The following AK9 variants were observed in gnomAD, a reference collection of about 807,000 sequenced individuals.
AK9 encodes the protein adenylate kinase domain containing 1.
In AK9, 191 loss-of-function variants were observed where a neutral mutation model predicts 239.6. The ratio of observed to expected loss-of-function variants is 0.80; its 90% confidence interval spans 0.71 to 0.90. The LOEUF is 0.90. AK9 is among the 40% of genes least tolerant of loss of function. AK9 has a pLI of 0.00. For missense variants in AK9, 1,995 were observed against 2,214.7 expected, an observed-to-expected ratio of 0.90 and a Z score of 1.99; for synonymous variants, 689 against 721.0, an observed-to-expected ratio of 0.96 and a Z score of 0.71.
chr6:109,578,473 T>G (rs1788411049), intron 20 of AK9, among the ~76,000 whole-genome samples: 1 of 152,202 alleles, frequency 6.6e-6, no homozygotes, highest in Non-Finnish European at 1.5e-5. Flanking sequence ...AAGAACCAGC[T>G]TTTTGTTTCA....
In AK9 at chr6:109,621,893, TAAAAAAAA is replaced by T. The variant is rs59405869; in HGVS notation, c.1255-2665_1255-2658del. 5.4e-5 allele frequency among the ~76,000 whole-genome samples: 3 copies of T among 55,528 alleles called. No individual in the cohort carries two copies. In the East Asian group the frequency reaches 1.3e-3, roughly 23 times the overall value. 36.4% of individuals were successfully genotyped at this position (55,528 alleles called of 152,430 possible). ...TGTACCCTAAAACTTAAAGTATAAT[TAAAAAAAA>T]AAAAAAAAAAACAAAAAAAAAACAG... is the stretch of plus-strand genomic sequence containing the variant. On this transcript the variant is annotated intron_variant, in intron 12 of 40. Transcript: ENST00000424296.
chr6:109,556,885 T>C (rs1162744664), intron 24 of AK9, among the ~76,000 whole-genome samples: 1 of 151,998 alleles, frequency 6.6e-6, no homozygotes, highest in Non-Finnish European at 1.5e-5. Context: ...TCTAAACTGA[T>C]TATTCTAGTT....
At position 109,579,439 on chromosome 6, in the gene AK9, A is replaced by G. The variant is rs1788535667; in HGVS notation, c.2191+111T>C. ...AATATAGGCATAAACCTGGGCTCTCATGGACAAATTGGGAAATGTGATCAC... is the reference window on the plus strand; with the variant it reads ...AATATAGGCATAAACCTGGGCTCTCGTGGACAAATTGGGAAATGTGATCAC... On this transcript the variant is annotated intron_variant, in intron 20 of 40. Coordinates refer to ENST00000424296, the MANE Select transcript of AK9 (RefSeq NM_001145128.3). The G allele has an allele frequency of 4.7e-6, 5 of 1,053,152 alleles. No homozygotes were observed. In the Admixed American group the frequency reaches 1.3e-4, roughly 26 times the overall value. The allele number at this position is 1,053,152 out of a possible 1,614,324, so 65.2% of individuals were successfully genotyped here.
chr6:109,619,631 T>C (rs1794589554), intron 12 of AK9, among the ~76,000 whole-genome samples: 1 of 152,056 alleles, frequency 6.6e-6, no homozygotes, highest in African/African-American at 2.4e-5. Flanking sequence ...CATATATATA[T>C]ATTAACCACA....
rs551266738 is a variant in AK9 at position 109,597,734 on chromosome 6, G to A, written c.1843-11662C>T. On this transcript the variant is annotated intron_variant, in intron 17 of 40. Transcript: ENST00000424296. ...CCTGCTTCGAAGAAATAATTCAACT[G>A]GGGGGCATAAGGCAGAAGAAGAGAC... Among the ~76,000 whole-genome samples, 9 of 151,954 alleles carry A rather than the reference G, an allele frequency of 5.9e-5. No homozygotes were observed. In the South Asian group the frequency reaches 1.0e-3, roughly 18 times the overall value.
At chr6:109,681,969 G>T (rs2128353647) in intron 1 of AK9, among the ~76,000 whole-genome samples, 1 of 152,270 alleles carries the variant, frequency 6.6e-6, no homozygotes, top group South Asian at 2.1e-4. Context: ...AGCACTAAAT[G>T]CCCACAAGAG....
At chr6:109,503,430 C>T (rs1470895630) in intron 35 of AK9, among the ~76,000 whole-genome samples, 1 of 151,948 alleles carries the variant, frequency 6.6e-6, no homozygotes, top group Non-Finnish European at 1.5e-5. Flanking sequence ...GTCTAGGTAC[C>T]CTCTTCTGGA....
chr6:109,672,281 A>G, intron 3 of AK9, 114 bp from the exon 4 acceptor site: 1 of 926,732 alleles, frequency 1.1e-6, no homozygotes, highest in Non-Finnish European at 1.7e-6. Context: ...GCATCACTTT[A>G]TAATTTACAA....
chr6:109,645,047 T>C (rs1389648310), intron 8 of AK9, among the ~76,000 whole-genome samples: 1 of 152,250 alleles, frequency 6.6e-6, no homozygotes. Context: ...TTTCTTCACA[T>C]AGATACTAGC....
At chr6:109,587,990 G>A (rs1173424443) in intron 17 of AK9, among the ~76,000 whole-genome samples, 1 of 151,936 alleles carries the variant, frequency 6.6e-6, no homozygotes, top group Admixed American at 6.6e-5. Context: ...TCTGACTGGA[G>A]TAAGATGCTA....
intron 17 of AK9, among the ~76,000 whole-genome samples, chr6:109,593,374 A>G (rs1384067402): frequency 6.6e-6 from 1 of 152,120 alleles, no homozygotes; most frequent in African/African-American, 2.4e-5. Context: ...AGTAATTAAT[A>G]GCCTACCAAC....
At chr6:109,584,918 G>A (rs1159303301) in intron 19 of AK9, among the ~76,000 whole-genome samples, 1 of 152,004 alleles carries the variant, frequency 6.6e-6, no homozygotes, top group Non-Finnish European at 1.5e-5. Context: ...TTTGATATGG[G>A]CTGGGAAAAA....
In AK9 at chr6:109,579,640, G is replaced by T. The variant is rs1348629225; in HGVS notation, c.2115-14C>A. The T allele has an allele frequency of 1.3e-6, 2 of 1,546,966 alleles. No homozygotes were observed. The highest frequency in any genetic ancestry group is 2.0e-5 in the Admixed American group (1 of 50,578). On this transcript the variant is annotated splice_polypyrimidine_tract_variant and intron_variant, in intron 19 of 40. Transcript: ENST00000424296. ...TCTGTGGCTTTTCTGAAATGAAAAG[G>T]TTCAAATTTAATTATCTTTGGAAAT...
At chr6:109,522,968 T>C (rs960540694) in intron 29 of AK9, among the ~76,000 whole-genome samples, 1 of 152,120 alleles carries the variant, frequency 6.6e-6, no homozygotes, top group East Asian at 1.9e-4. Flanking sequence ...ACAGATTATT[T>C]CATCCCTTTA....
intron 17 of AK9, among the ~76,000 whole-genome samples, chr6:109,597,735 G>C (rs1791248581): frequency 6.6e-6 from 1 of 151,846 alleles, no homozygotes; most frequent in African/African-American, 2.4e-5. Flanking sequence ...AATTCAACTG[G>C]GGGGCATAAG....
At chr6:109,543,280 C>T (rs187693561) in intron 26 of AK9, among the ~76,000 whole-genome samples, 14 of 152,044 alleles carry the variant, frequency 9.2e-5, no homozygotes, top group Admixed American at 2.0e-4. Context: ...TGCTGCTTAC[C>T]GGGAAGCAGG....
At chr6:109,579,513 C>T (rs1377501739) in intron 20 of AK9, 37 bp downstream of exon 20, 1 of 1,524,688 alleles carries the variant, frequency 6.6e-7, no homozygotes, top group Non-Finnish European at 8.9e-7. Flanking sequence ...AGTAACAATA[C>T]CATGACACAT....
At chr6:109,658,748 A>G (rs1293126536) in intron 7 of AK9, among the ~76,000 whole-genome samples, 1 of 152,152 alleles carries the variant, frequency 6.6e-6, no homozygotes, top group Admixed American at 6.5e-5. Flanking sequence ...GATATATTCA[A>G]TTAAATAAAA....
chr6:109,573,358 C>T (rs1490363366), intron 21 of AK9, 84 bp downstream of exon 21: 12 of 1,334,094 alleles, frequency 9.0e-6, no homozygotes, highest in Non-Finnish European at 1.2e-5. Flanking sequence ...TTCCATTTTA[C>T]CAACAGGTAT....
Sources: allele counts gnomAD v4.1 joint callset (sites outside exome capture counted in the v4.1 genomes callset), GRCh38; gene constraint gnomAD v4.1.1; transcripts MANE v1.5; gene names NCBI Gene and HGNC (gene_info 2026-07-23, HGNC 2026-07-21).